The following SGCZ variants were observed in gnomAD, a reference collection of about 807,000 sequenced individuals.
The protein encoded by SGCZ is sarcoglycan zeta.
Under a neutral mutation model 41.3 loss-of-function variants are expected in SGCZ, and 40 were observed. The observed-to-expected ratio is 0.97, with a 90% CI of 0.75 to 1.26. SGCZ has a LOEUF of 1.26. Ranked by LOEUF, SGCZ falls within the 50% of genes most tolerant of loss-of-function variation. The pLI is 0.00. For missense variants in SGCZ, 552 were observed against 369.8 expected, an observed-to-expected ratio of 1.49 and a Z score of -4.04; for synonymous variants, 206 against 137.5, an observed-to-expected ratio of 1.50 and a Z score of -3.49.
chr8:14,811,641 T>C (rs1801741881), intron 1 of SGCZ, among the ~76,000 whole-genome samples: 3 of 148,876 alleles, frequency 2.0e-5, no homozygotes, highest in Admixed American at 1.4e-4. Context: ...ATAAATTTCA[T>C]AGAATCTGGA....
intron 3 of SGCZ, among the ~76,000 whole-genome samples, chr8:14,307,081 A>C (rs2116987142): frequency 6.6e-6 from 1 of 152,326 alleles, no homozygotes; most frequent in Non-Finnish European, 1.5e-5. Context: ...ATATTTTATC[A>C]GAAAAAGAGC....
chr8:14,590,830 A>T (rs1265539723), intron 1 of SGCZ, among the ~76,000 whole-genome samples: 3 of 148,224 alleles, frequency 2.0e-5, no homozygotes, highest in African/African-American at 7.3e-5. Context: ...TATATCATGA[A>T]TATGTATTCA....
chr8:15,060,670 TAA>T (rs34503809), intron 1 of SGCZ, among the ~76,000 whole-genome samples: 76,914 of 144,010 alleles, frequency 0.53, 21,075 homozygotes, highest in Admixed American at 0.63. Flanking sequence ...CTTAAAGTAT[TAA>T]AAAAAAAAAA....
At chr8:14,784,902 C>CAAAAAAAAAAAAAAAAAAAAA (rs1182679983) in intron 1 of SGCZ, among the ~76,000 whole-genome samples, 2 of 39,584 alleles carry the variant, frequency 5.1e-5, no homozygotes, top group Non-Finnish European at 8.1e-5. Flanking sequence ...AACTCTGCCT[C>CAAAAAAAAAAAAAAAAAAAAA]AAAAAAAAAA....
At chr8:14,474,823 G>T (rs957078654) in intron 2 of SGCZ, among the ~76,000 whole-genome samples, 1 of 152,018 alleles carries the variant, frequency 6.6e-6, no homozygotes, top group Non-Finnish European at 1.5e-5. Flanking sequence ...AGAGATATTG[G>T]ATTTTTTTTA....
chr8:14,378,198 CCTGA>C (rs1804210864), intron 2 of SGCZ, among the ~76,000 whole-genome samples: 1 of 150,584 alleles, frequency 6.6e-6, no homozygotes, highest in Non-Finnish European at 1.5e-5. Context: ...CCTGTTGTTT[CCTGA>C]CTTTTTAATG....
intron 4 of SGCZ, among the ~76,000 whole-genome samples, chr8:14,199,445 T>C (rs532626143): frequency 1.1e-3 from 162 of 152,288 alleles, no homozygotes; most frequent in African/African-American, 3.8e-3. Context: ...GGTCCTTTGG[T>C]CCTGTGATCT....
chr8:14,525,055 A>AGAT (rs1004641286), intron 2 of SGCZ, among the ~76,000 whole-genome samples: 2 of 152,046 alleles, frequency 1.3e-5, no homozygotes, highest in Non-Finnish European at 2.9e-5. Context: ...GTAGAGAGAT[A>AGAT]GATGATGATG....
intron 4 of SGCZ, among the ~76,000 whole-genome samples, chr8:14,217,258 T>C (rs1806029668): frequency 8.2e-6 from 1 of 122,564 alleles, no homozygotes; most frequent in Admixed American, 1.1e-4. Flanking sequence ...ATTGCACCAC[T>C]GCACTCCAGC....
At chr8:14,408,499 C>G (rs1281474135) in intron 2 of SGCZ, among the ~76,000 whole-genome samples, 2 of 152,132 alleles carry the variant, frequency 1.3e-5, no homozygotes, top group Admixed American at 6.6e-5. Context: ...TGGCCACCGT[C>G]TCTCCCCTGA....
chr8:14,988,792 T>C (rs573741043), intron 1 of SGCZ, among the ~76,000 whole-genome samples: 1 of 152,116 alleles, frequency 6.6e-6, no homozygotes, highest in Admixed American at 6.6e-5. Context: ...TCCTAAGATA[T>C]GTAGAAGAAA....
intron 2 of SGCZ, among the ~76,000 whole-genome samples, chr8:14,497,315 G>A (rs953197723): frequency 6.6e-6 from 1 of 152,128 alleles, no homozygotes; most frequent in East Asian, 1.9e-4. Flanking sequence ...CGTGTCTCAT[G>A]GTCAGAGAGG....
At chr8:14,290,052 G>A (rs1350337214) in intron 3 of SGCZ, among the ~76,000 whole-genome samples, 2 of 152,098 alleles carry the variant, frequency 1.3e-5, no homozygotes, top group Admixed American at 6.6e-5. Context: ...CTGCCTCCAT[G>A]ACCCAGTCAC....
intron 2 of SGCZ, among the ~76,000 whole-genome samples, chr8:14,524,136 CAT>C (rs928949546): frequency 2.1e-4 from 32 of 151,970 alleles, no homozygotes; most frequent in African/African-American, 7.0e-4. Context: ...ATATTCATAA[CAT>C]GAGTGATTTT....
In SGCZ at chr8:14,823,074, A is replaced by AG. The variant is rs35439518; in HGVS notation, c.40-268149_40-268148insC. Among the ~76,000 whole-genome samples, 121 of 150,464 alleles carry AG rather than the reference A, an allele frequency of 8.0e-4. 1 individual carries two copies. Among genetic ancestry groups the AG allele is most frequent in the Non-Finnish European group, 1.6e-4 (11 of 67,850 alleles). The stretch of plus-strand genomic sequence containing the variant: ...TCCTCATAAAAAAAAAAAAAAAAAA[A>AG]AAAGACTTCTGTGTAACTTTCGTGC... On this transcript the variant is annotated intron_variant, in intron 1 of 7. Transcript: ENST00000382080.
At chr8:15,059,918 G>A (rs58608860) in intron 1 of SGCZ, among the ~76,000 whole-genome samples, 7,962 of 152,244 alleles carry the variant, frequency 0.052, 219 homozygotes, top group Non-Finnish European at 0.056. Flanking sequence ...AGAACAATGG[G>A]TGTGGAGAGA....
At chr8:14,302,171 C>A (rs1211282530) in intron 3 of SGCZ, among the ~76,000 whole-genome samples, 1 of 152,140 alleles carries the variant, frequency 6.6e-6, no homozygotes, top group South Asian at 2.1e-4. Flanking sequence ...TTCAAATACA[C>A]CTCTTAACAA....
intron 1 of SGCZ, among the ~76,000 whole-genome samples, chr8:14,645,035 A>T (rs1043594802): frequency 7.9e-5 from 12 of 151,608 alleles, no homozygotes; most frequent in African/African-American, 2.9e-4. Context: ...TCTGAGCCTT[A>T]ATAAATCAAA....
chr8:15,081,471 T>C (rs1805744208), intron 1 of SGCZ, among the ~76,000 whole-genome samples: 1 of 151,440 alleles, frequency 6.6e-6, no homozygotes, highest in African/African-American at 2.4e-5. Flanking sequence ...TGCACATTTT[T>C]GGAATTGGCC....
Sources: allele counts gnomAD v4.1 joint callset (sites outside exome capture counted in the v4.1 genomes callset), GRCh38; gene constraint gnomAD v4.1.1; transcripts MANE v1.5; gene names NCBI Gene and HGNC (gene_info 2026-07-23, HGNC 2026-07-21).